FIGNL1: variants seen among roughly 807,000 people sequenced by gnomAD.
FIGNL1 encodes fidgetin-like protein 1.
Under a neutral mutation model 28.9 loss-of-function variants are expected in FIGNL1, and 11 were observed. The ratio of observed to expected loss-of-function variants is 0.38; its 90% confidence interval spans 0.24 to 0.63. FIGNL1 has a LOEUF of 0.63. FIGNL1 is among the 20% of genes least tolerant of loss of function. The pLI, the probability that FIGNL1 is intolerant of heterozygous loss-of-function variation, is 0.57. For synonymous variants in FIGNL1, 295 were observed against 276.5 expected (o/e 1.07, Z -0.66); for missense variants, 789 against 810.4 (o/e 0.97, Z 0.32).
chr7:50,445,805 C>T lies in FIGNL1; in HGVS notation c.1483G>A (p.Ala495Thr). The change falls in exon 4 of 4, where the codon GCT becomes ACT. Residue 495 changes from alanine to threonine, a missense_variant. By Grantham distance (58) the Ala-to-Thr change is moderately conservative. Transcript: ENST00000433017. ...TCAATTTCGTCAATAAATATCACAG[C>T]TGGTTGCTGACACCTTGCAACAGCA... ...LFAVARCQQP[A>T]VIFIDEIDSL... 2 of 1,614,224 alleles carry T rather than the reference C, an allele frequency of 1.2e-6. No individual in the cohort carries two copies. The highest frequency in any genetic ancestry group is 1.3e-5 in the African/African-American group (1 of 75,066).
chr7:50,448,718 G>T (rs1436197310), intron 2 of FIGNL1: 1 of 152,144 alleles, frequency 6.6e-6, no homozygotes, highest in East Asian at 1.9e-4. Context: ...CAAATTACTT[G>T]TAAGTACAAC....
At chr7:50,448,508 C>T (rs1404479344) in intron 2 of FIGNL1, 1 of 152,196 alleles carries the variant, frequency 6.6e-6, no homozygotes, top group Non-Finnish European at 1.5e-5. Context: ...TAGATTTCTT[C>T]TGTCAAGTTA....
At position 50,444,874 on chromosome 7, in the gene FIGNL1, A is replaced by G. The variant is rs1252928028; in HGVS notation, c.*389T>C. On this transcript the variant is annotated 3_prime_UTR_variant, in exon 4 of 4. Coordinates refer to ENST00000433017, the MANE Select transcript of FIGNL1 (RefSeq NM_001287492.4). ...ATACTTTGTCCAAATGTAAACCATT[A>G]TACTAGCTGACATTAAGAATTATGT... 6.5e-6 allele frequency: 1 copy of G among 154,634 alleles called. No individual in the cohort carries two copies. Among genetic ancestry groups the G allele is most frequent in the Non-Finnish European group, 1.4e-5 (1 of 69,806 alleles). 9.6% of individuals were successfully genotyped at this position (154,634 alleles called of 1,614,324 possible). A position where few individuals can be genotyped will look rare whatever the true frequency, so the allele number is the denominator to read the frequency against.
chr7:50,445,159 C>T lies in FIGNL1; in HGVS notation c.*104G>A, dbSNP rs10230307. Reference sequence around the variant, plus strand: ...CTGTGCTATTATTTGAAGTACAGAACTTAGAATATATTCTTAAAAATACAA... The same window carrying T: ...CTGTGCTATTATTTGAAGTACAGAATTTAGAATATATTCTTAAAAATACAA... On this transcript the variant is annotated 3_prime_UTR_variant, in exon 4 of 4. Coordinates refer to ENST00000433017, the MANE Select transcript of FIGNL1 (RefSeq NM_001287492.4). 453,352 of 663,056 alleles carry T rather than the reference C, an allele frequency of 0.68. 156,548 individuals carry two copies. The highest frequency in any genetic ancestry group is 0.74 in the Admixed American group (20,430 of 27,756). 41.1% of individuals were successfully genotyped at this position (663,056 alleles called of 1,614,324 possible).
Position 50,445,698 on chromosome 7 carries a change from T to A in FIGNL1, c.1590A>T (p.Gly530=). The part of the protein sequence containing the change: ...IKTEFLVQLD[G]ATTSSEDRIL... ...TACGATCTTCAGAAGATGTTGTTGC[T>A]CCATCTAATTGAACTAAAAATTCTG... is the stretch of plus-strand genomic sequence containing the variant. Residue 530 remains glycine, a synonymous_variant, in exon 4 of 4, where the codon GGA becomes GGT. Coordinates refer to ENST00000433017, the MANE Select transcript of FIGNL1 (RefSeq NM_001287492.4). The A allele has an allele frequency of 1.9e-6, 3 of 1,614,156 alleles. No individual in the cohort carries two copies. The highest frequency in any genetic ancestry group is 2.5e-6 in the Non-Finnish European group (3 of 1,180,030).
Position 50,445,417 on chromosome 7 carries a change from T to G in FIGNL1, c.1871A>C (p.Gln624Pro), listed in dbSNP as rs913436583. ...TGTTATGGTAGCAATGTCAGCAGTT[T>G]GTAAACTGCGAATAGGACCAAGAGA... ...EASLGPIRSL[Q>P]TADIATITPD... Residue 624 changes from glutamine (Q) to proline (P), a missense_variant, in exon 4 of 4, where the codon CAA (glutamine) becomes CCA (proline). Coordinates refer to ENST00000433017, the MANE Select transcript of FIGNL1 (RefSeq NM_001287492.4). 6 of 1,614,048 alleles carry G rather than the reference T, an allele frequency of 3.7e-6. No homozygotes were observed. The highest frequency in any genetic ancestry group is 5.1e-6 in the Non-Finnish European group (6 of 1,180,006).
chr7:50,450,268 G>A (rs1233467947), intron 1 of FIGNL1, 33 bp downstream of exon 1: 1 of 152,312 alleles, frequency 6.6e-6, no homozygotes, highest in Non-Finnish European at 1.5e-5. Flanking sequence ...GGTCAGCAGC[G>A]CCCCTGCCCC....
At position 50,446,333 on chromosome 7, in the gene FIGNL1, AC is replaced by A. The variant is rs764981266; in HGVS notation, c.954del (p.Ser319LeufsTer6). The A allele has an allele frequency of 3.0e-5, 49 of 1,613,994 alleles. No individual in the cohort carries two copies. Among genetic ancestry groups the A allele is most frequent in the Non-Finnish European group, 4.1e-5 (48 of 1,180,008 alleles). On this transcript the variant is annotated frameshift_variant, in exon 4 of 4. Coordinates refer to ENST00000433017, the MANE Select transcript of FIGNL1 (RefSeq NM_001287492.4). LOFTEE classifies it high-confidence loss of function. Reference protein sequence around the residue: ...KKYHQPQRASGSSYGGVKKSL... With the variant: ...KKYHQPQRASXSSYGGVKKSL... ...GACTTTTTTACACCACCATATGAAG[AC>A]CCTGATGCACGCTGAGGTTGGTGGT...
Position 50,446,141 on chromosome 7 carries a change from T to A in FIGNL1, c.1147A>T (p.Met383Leu). 1 of 1,614,240 alleles carries A rather than the reference T, an allele frequency of 6.2e-7. No individual in the cohort carries two copies. The highest frequency in any genetic ancestry group is 8.5e-7 in the Non-Finnish European group (1 of 1,180,046). The change falls in exon 4 of 4, where the codon ATG (methionine) becomes TTG (leucine). Residue 383 changes from methionine to leucine, a missense_variant. Coordinates refer to ENST00000433017, the MANE Select transcript of FIGNL1 (RefSeq NM_001287492.4). The stretch of plus-strand genomic sequence containing the variant: ...ATCTCATTCATAATAAGTTCAATCA[T>A]CTTTGGCTCCAAGTTCTTCAGACGC... The part of the protein sequence containing the change: ...DERLKNLEPK[M>L]IELIMNEIMD...
intron 1 of FIGNL1, 110 bp from the exon 2 acceptor site, chr7:50,449,833 T>C (rs576789116): frequency 6.6e-6 from 1 of 152,398 alleles, no homozygotes; most frequent in African/African-American, 2.4e-5. Context: ...TACTGCTTCT[T>C]CTGATTCCTC....
In FIGNL1 at chr7:50,447,091, T is replaced by C; in HGVS notation, c.197A>G (p.Tyr66Cys). The stretch of plus-strand genomic sequence containing the variant: ...ATTGTCAGAATCAATAATTGCAGAA[T>C]ATTTCTCTGCATATTTTTTGAACAG... The part of the protein sequence containing the change: ...TKLFKKYAEK[Y>C]SAIIDSDNVE... Residue 66 changes from tyrosine to cysteine, a missense_variant, in exon 4 of 4, where the codon TAT (tyrosine) becomes TGT (cysteine). Coordinates refer to ENST00000433017, the MANE Select transcript of FIGNL1 (RefSeq NM_001287492.4). The C allele has an allele frequency of 1.2e-6, 2 of 1,614,234 alleles. No homozygotes were observed. The highest frequency in any genetic ancestry group is 1.7e-6 in the Non-Finnish European group (2 of 1,180,030).
Position 50,445,295 on chromosome 7 carries a change from T to C in FIGNL1, c.1993A>G (p.Asn665Asp), listed in dbSNP as rs766250680. The change falls in exon 4 of 4, where the codon AAC becomes GAC. Residue 665 changes from asparagine (N) to aspartate (D), a missense_variant. Physicochemically the swap from Asn to Asp is conservative, Grantham distance 23. Transcript: ENST00000433017. ...CCACAACCAAAAGTTTTGTTCCAGT[T>C]TTCATAAAGCTCTAAATCTTTTGGA... ...VSPKDLELYENWNKTFGCGK is the reference protein window; with the variant it reads ...VSPKDLELYEDWNKTFGCGK The C allele has an allele frequency of 6.3e-7, 1 of 1,577,182 alleles. No individual in the cohort carries two copies. The highest frequency in any genetic ancestry group is 1.2e-5 in the South Asian group (1 of 85,002).
At position 50,447,229 on chromosome 7, in the gene FIGNL1, G is replaced by A. The variant is rs768393178; in HGVS notation, c.59C>T (p.Ala20Val). The change falls in exon 4 of 4, where the codon GCA (alanine) becomes GTA (valine). Residue 20 changes from alanine (A) to valine (V), a missense_variant. Transcript: ENST00000433017. ...TCCGGTACATATGCCAGATGTAATTGCGAAGTAATTCTTCTGCCATTCACT... is the reference window on the plus strand; with the variant it reads ...TCCGGTACATATGCCAGATGTAATTACGAAGTAATTCTTCTGCCATTCACT... ...HLSEWQKNYF[A>V]ITSGICTGPK... 10 of 1,611,350 alleles carry A rather than the reference G, an allele frequency of 6.2e-6. No homozygotes were observed. In the South Asian group the frequency reaches 6.6e-5, roughly 11 times the overall value.
At position 50,444,601 on chromosome 7, in the gene FIGNL1, A is replaced by G. The variant is rs140708868; in HGVS notation, c.*662T>C. 1 of 152,358 alleles carries G rather than the reference A, an allele frequency of 6.6e-6. No individual in the cohort carries two copies. Among genetic ancestry groups the G allele is most frequent in the African/African-American group, 2.4e-5 (1 of 41,588 alleles). 9.4% of individuals were successfully genotyped at this position (152,358 alleles called of 1,614,324 possible). ...TGAAAACTTGTTTTTGAAAGAGAGC[A>G]GTATTACAGGCTGTAGTGTCAAATA... On this transcript the variant is annotated 3_prime_UTR_variant, in exon 4 of 4. Coordinates refer to ENST00000433017, the MANE Select transcript of FIGNL1 (RefSeq NM_001287492.4).
rs1250418535 is a variant in FIGNL1, at chr7:50,446,250, C to T, written c.1038G>A (p.Lys346=). The T allele has an allele frequency of 1.2e-6, 2 of 1,614,058 alleles. No individual in the cohort carries two copies. Among genetic ancestry groups the T allele is most frequent in the African/African-American group, 2.7e-5 (2 of 74,910 alleles). ...CTCCATTCTGCTCTCCCCCATCTTGCTTGGGTATAGGAGGAACAAACTTTC... is the reference window on the plus strand; with the variant it reads ...CTCCATTCTGCTCTCCCCCATCTTGTTTGGGTATAGGAGGAACAAACTTTC... The part of the protein sequence containing the change: ...ILGKFVPPIP[K]QDGGEQNGGM... Residue 346 remains lysine (K), a synonymous_variant, in exon 4 of 4, where the codon AAG becomes AAA. Transcript: ENST00000433017.
rs745755655 is a variant in FIGNL1, at chr7:50,446,041, A to G, written c.1247T>C (p.Ile416Thr). 10 of 1,614,086 alleles carry G rather than the reference A, an allele frequency of 6.2e-6. No homozygotes were observed. In the African/African-American group the frequency reaches 1.3e-4, roughly 22 times the overall value. The stretch of plus-strand genomic sequence containing the variant: ...TGGCCTCAACATGGGCCACACAACT[A>G]TTTCCTTTATGGTGGCTTTAGCAAA... ...VEFAKATIKE[I>T]VVWPMLRPDI... Residue 416 changes from isoleucine to threonine, a missense_variant, in exon 4 of 4, where the codon ATA (isoleucine) becomes ACA (threonine). Physicochemically the swap from Ile to Thr is moderately conservative, Grantham distance 89. Transcript: ENST00000433017.
rs374195874 is a variant in FIGNL1 at position 50,446,242 on chromosome 7, C to A, written c.1046G>T (p.Gly349Val). The A allele has an allele frequency of 6.8e-6, 11 of 1,614,054 alleles. No individual in the cohort carries two copies. The African/African-American group carries it at 1.5e-4, about 22-fold the overall frequency. The part of the protein sequence containing the change: ...KFVPPIPKQD[G>V]GEQNGGMQCK... Reference sequence around the variant, plus strand: ...TTGCATTCCTCCATTCTGCTCTCCCCCATCTTGCTTGGGTATAGGAGGAAC... The same window carrying A: ...TTGCATTCCTCCATTCTGCTCTCCCACATCTTGCTTGGGTATAGGAGGAAC... The change falls in exon 4 of 4, where the codon GGG becomes GTG. Residue 349 changes from glycine to valine, a missense_variant. Coordinates refer to ENST00000433017, the MANE Select transcript of FIGNL1 (RefSeq NM_001287492.4).
chr7:50,447,366 G>T, intron 3 of FIGNL1, 69 bp from the exon 4 acceptor site: 2 of 1,156,538 alleles, frequency 1.7e-6, no homozygotes, highest in Non-Finnish European at 2.4e-6. Context: ...ATGTAATTTT[G>T]AAACTTCTGC....
rs544595699 is a variant in FIGNL1, at chr7:50,449,728, A to G, written c.-725-5T>C. 3 of 152,264 alleles carry G rather than the reference A, an allele frequency of 2.0e-5. No individual in the cohort carries two copies. In the South Asian group the frequency reaches 6.2e-4, roughly 31 times the overall value. 9.4% of individuals were successfully genotyped at this position (152,264 alleles called of 1,614,324 possible). A position where few individuals can be genotyped will look rare whatever the true frequency, so the allele number is the denominator to read the frequency against. ...TGTCTTTCTGCCGGTTTTCACCTAT[A>G]AAAGAAGCGCAGCAACATCACTGAG... On this transcript the variant is annotated splice_region_variant and splice_polypyrimidine_tract_variant and intron_variant, in intron 1 of 3. Coordinates refer to ENST00000433017, the MANE Select transcript of FIGNL1 (RefSeq NM_001287492.4).
Sources: allele counts gnomAD v4.1 joint callset, GRCh38; gene constraint gnomAD v4.1.1; transcripts MANE v1.5; gene names NCBI Gene and HGNC (gene_info 2026-07-23, HGNC 2026-07-21).